KCNMB2: variants seen among roughly 807,000 people sequenced by gnomAD.
The protein encoded by KCNMB2 is calcium-activated potassium channel subunit beta-2.
A neutral mutation model predicts 24.5 loss-of-function variants in KCNMB2; 9 were observed. The ratio of observed to expected loss-of-function variants is 0.37; its 90% CI spans 0.22 to 0.64. The LOEUF (loss-of-function observed/expected upper bound fraction) is 0.64. Among genes scored for constraint, KCNMB2 ranks in the 30% least tolerant of loss-of-function variants. The pLI, the probability that KCNMB2 is intolerant of heterozygous loss-of-function variation, is 0.63. For missense variants in KCNMB2, 226 were observed against 284.3 expected (o/e 0.79, Z 1.47); for synonymous variants, 109 against 104.4 (o/e 1.04, Z -0.27).
chr3:178,628,937 C>A (rs1719214895), intron 1 of KCNMB2, among the ~76,000 whole-genome samples: 1 of 152,096 alleles, frequency 6.6e-6, no homozygotes, highest in South Asian at 2.1e-4. Context: ...TACCATAAGA[C>A]CTCTGTCTAC....
At position 178,825,690 on chromosome 3, in the gene KCNMB2, T is replaced by C. The variant is rs779318243; in HGVS notation, c.159T>C (p.Ala53=). 2 of 1,613,868 alleles carry C rather than the reference T, an allele frequency of 1.2e-6. No homozygotes were observed. The highest frequency in any genetic ancestry group is 1.7e-6 in the Non-Finnish European group (2 of 1,179,730). ...ACCGAGCTATTCTCCTGGGACTGGC[T>C]ATGATGGTGTGCTCCATCATGATGT... ...GEDRAILLGL[A]MMVCSIMMYF... is the part of the protein sequence containing the mutation. Residue 53 remains alanine (A), a synonymous_variant, in exon 3 of 5, where the codon GCT becomes GCC. Transcript: ENST00000452583.
At chr3:178,552,195 T>C (rs913799033) in intron 1 of KCNMB2, among the ~76,000 whole-genome samples, 2 of 152,150 alleles carry the variant, frequency 1.3e-5, no homozygotes, top group African/African-American at 4.8e-5. Context: ...CAGATACGAT[T>C]CTAAATGTCG....
intron 1 of KCNMB2, among the ~76,000 whole-genome samples, chr3:178,588,884 A>G (rs1717557955): frequency 6.6e-6 from 1 of 152,194 alleles, no homozygotes; most frequent in Non-Finnish European, 1.5e-5. Context: ...AATTTATGAG[A>G]TAATGGATAT....
At chr3:178,664,820 T>C (rs1166660089) in intron 1 of KCNMB2, among the ~76,000 whole-genome samples, 1 of 152,112 alleles carries the variant, frequency 6.6e-6, no homozygotes, top group Non-Finnish European at 1.5e-5. Flanking sequence ...GATGAAGTTC[T>C]ATTGACATAA....
chr3:178,791,318 G>A (rs1371218449), intron 1 of KCNMB2, among the ~76,000 whole-genome samples: 1 of 152,172 alleles, frequency 6.6e-6, no homozygotes, highest in Non-Finnish European at 1.5e-5. Context: ...TTCTGGAGTT[G>A]AAAAATTTAA....
Position 178,546,044 on chromosome 3 carries a change from C to T in KCNMB2, c.-68+9333C>T, listed in dbSNP as rs151083183. ...TTGCTTTGAAAACATAAAAATAGAA[C>T]AGCACAGGACTCATTTCTCTGTTGG... On this transcript the variant is annotated intron_variant, in intron 1 of 4. Coordinates refer to ENST00000452583, the MANE Select transcript of KCNMB2 (RefSeq NM_181361.3). Among the ~76,000 whole-genome samples the T allele has an allele frequency of 2.9e-3, 441 of 152,148 alleles. 3 individuals carry two copies. The highest frequency in any genetic ancestry group is 0.01 in the African/African-American group (428 of 41,506).
At chr3:178,701,427 C>T (rs1722090358) in intron 1 of KCNMB2, among the ~76,000 whole-genome samples, 1 of 152,168 alleles carries the variant, frequency 6.6e-6, no homozygotes, top group Non-Finnish European at 1.5e-5. Flanking sequence ...TTAGGATTGA[C>T]TTGGCAATGA....
chr3:178,703,114 G>T (rs1445962928), intron 1 of KCNMB2, among the ~76,000 whole-genome samples: 1 of 152,170 alleles, frequency 6.6e-6, no homozygotes, highest in African/African-American at 2.4e-5. Flanking sequence ...AAGGGAAAGA[G>T]AATCAGTAAA....
At chr3:178,564,257 G>A (rs1199018325) in intron 1 of KCNMB2, among the ~76,000 whole-genome samples, 2 of 146,562 alleles carry the variant, frequency 1.4e-5, no homozygotes, top group East Asian at 2.0e-4. Flanking sequence ...CAGCCTGGGC[G>A]ACAGAGCGAG....
rs573510611 is a variant in KCNMB2 at position 178,621,503 on chromosome 3, G to T, written c.-68+84792G>T. On this transcript the variant is annotated intron_variant, in intron 1 of 4. Transcript: ENST00000452583. Reference sequence around the variant, plus strand: ...CCACCCTTCTCTTTCTGATATCTTTGTTCATTATTTCTTTGGGTCTCTGCT... The same window carrying T: ...CCACCCTTCTCTTTCTGATATCTTTTTTCATTATTTCTTTGGGTCTCTGCT... Among the ~76,000 whole-genome samples, 5 of 151,568 alleles carry T rather than the reference G, an allele frequency of 3.3e-5. No homozygotes were observed. The South Asian group carries it at 1.0e-3, about 32-fold the overall frequency.
intron 1 of KCNMB2, among the ~76,000 whole-genome samples, chr3:178,759,617 A>T (rs1711620086): frequency 1.5e-5 from 2 of 129,670 alleles, no homozygotes; most frequent in African/African-American, 5.9e-5. Flanking sequence ...ATATATATAC[A>T]TATATCTCTC....
At position 178,667,927 on chromosome 3, in the gene KCNMB2, G is replaced by A. The variant is rs551052787; in HGVS notation, c.-68+131216G>A. On this transcript the variant is annotated intron_variant, in intron 1 of 4. Transcript: ENST00000452583. Reference sequence around the variant, plus strand: ...CCACAGTGGGTGGTTGGCTGGGGGCGAATAATTACTGTGAGGATGGTCCTC... The same window carrying A: ...CCACAGTGGGTGGTTGGCTGGGGGCAAATAATTACTGTGAGGATGGTCCTC... Among the ~76,000 whole-genome samples, 14 of 152,246 alleles carry A rather than the reference G, an allele frequency of 9.2e-5. No individual in the cohort carries two copies. The South Asian group carries it at 1.5e-3, about 16-fold the overall frequency.
intron 4 of KCNMB2, among the ~76,000 whole-genome samples, chr3:178,836,830 G>A (rs1560041512): frequency 6.6e-6 from 1 of 151,864 alleles, no homozygotes; most frequent in Non-Finnish European, 1.5e-5. Context: ...AAAAATGATG[G>A]ATGTTTATTT....
chr3:178,612,740 T>G (rs767971879), intron 1 of KCNMB2, among the ~76,000 whole-genome samples: 1 of 152,138 alleles, frequency 6.6e-6, no homozygotes, highest in Non-Finnish European at 1.5e-5. Context: ...ACATTTAATA[T>G]TATTATTGAT....
intron 2 of KCNMB2, among the ~76,000 whole-genome samples, chr3:178,816,633 T>C (rs11709071): frequency 0.26 from 40,049 of 152,024 alleles, 7,083 homozygotes; most frequent in African/African-American, 0.51. Flanking sequence ...CTTAGAAATA[T>C]ACAGTTTTGC....
At chr3:178,754,604 G>T (rs1469262621) in intron 1 of KCNMB2, among the ~76,000 whole-genome samples, 3 of 152,168 alleles carry the variant, frequency 2.0e-5, no homozygotes, top group African/African-American at 7.2e-5. Flanking sequence ...CATTTGTGGT[G>T]CACTTGGATG....
At chr3:178,799,533 A>G (rs1483275323) in intron 1 of KCNMB2, among the ~76,000 whole-genome samples, 2 of 152,190 alleles carry the variant, frequency 1.3e-5, no homozygotes, top group Admixed American at 1.3e-4. Flanking sequence ...TGAAGAGTTC[A>G]CAAAAAATGA....
chr3:178,720,596 A>T (rs894777698), intron 1 of KCNMB2, among the ~76,000 whole-genome samples: 5 of 128,498 alleles, frequency 3.9e-5, no homozygotes, highest in Non-Finnish European at 8.1e-5. Context: ...CAGTCCCACC[A>T]ACAGTGTAAA....
intron 1 of KCNMB2, among the ~76,000 whole-genome samples, chr3:178,576,505 C>A (rs1409659876): frequency 1.3e-5 from 2 of 152,128 alleles, no homozygotes; most frequent in Non-Finnish European, 2.9e-5. Context: ...TGTTCACTCT[C>A]CTGGAAAGGG....
Sources: gnomAD v4.1 joint callset for allele counts (sites outside exome capture counted in the v4.1 genomes callset) on GRCh38, gnomAD v4.1.1 for gene constraint, MANE v1.5 for transcripts, NCBI Gene and HGNC (gene_info 2026-07-23, HGNC 2026-07-21) for gene names.